FAM169A: variants seen among roughly 807,000 people sequenced by gnomAD.
FAM169A encodes family with sequence similarity 169 member A.
A neutral mutation model predicts 75.7 loss-of-function variants in FAM169A; 24 were observed. The observed-to-expected ratio is 0.32, with a 90% CI of 0.23 to 0.45. FAM169A has a LOEUF of 0.45. FAM169A is among the 20% of genes least tolerant of loss of function. The pLI is 1.00. For missense variants in FAM169A, 673 were observed against 784.0 expected, an observed-to-expected ratio of 0.86 and a Z score of 1.69; for synonymous variants, 271 against 271.0, an observed-to-expected ratio of 1.00 and a Z score of 0.00.
chr5:74,795,567 C>A (rs1746227758), intron 11 of FAM169A, among the ~76,000 whole-genome samples: 1 of 152,086 alleles, frequency 6.6e-6, no homozygotes, highest in Admixed American at 6.5e-5. Context: ...AGTTATTTTT[C>A]CAGAACTTTG....
chr5:74,819,622 A>C (rs1747668125), intron 5 of FAM169A, among the ~76,000 whole-genome samples: 1 of 152,238 alleles, frequency 6.6e-6, no homozygotes, highest in Non-Finnish European at 1.5e-5. Context: ...GCATTGTTCA[A>C]AATAGCAACA....
At position 74,844,772 on chromosome 5, in the gene FAM169A, G is replaced by T. The variant is rs1366752486; in HGVS notation, c.-3-3093C>A. Among the ~76,000 whole-genome samples, 3 of 152,028 alleles carry T rather than the reference G, an allele frequency of 2.0e-5. No homozygotes were observed. In the East Asian group the frequency reaches 5.8e-4, roughly 29 times the overall value. On this transcript the variant is annotated intron_variant, in intron 1 of 12. Coordinates refer to ENST00000687041, the MANE Select transcript of FAM169A (RefSeq NM_001376049.1). ...GTGGAGTGTACGGTGAGCCAAGATC[G>T]CACCACTGCACTCCAGCCTGGGTGA...
At chr5:74,809,840 T>A (rs1331506373) in intron 6 of FAM169A, among the ~76,000 whole-genome samples, 2 of 152,152 alleles carry the variant, frequency 1.3e-5, no homozygotes, top group Non-Finnish European at 2.9e-5. Flanking sequence ...AAAAACCAAG[T>A]GTTGGTGAGT....
At chr5:74,821,494 A>G (rs1344001153) in intron 5 of FAM169A, among the ~76,000 whole-genome samples, 2 of 152,170 alleles carry the variant, frequency 1.3e-5, no homozygotes, top group Admixed American at 1.3e-4. Flanking sequence ...GACATACATA[A>G]AGTGAATTTC....
chr5:74,799,870 T>C, intron 10 of FAM169A: 1 of 1,017,134 alleles, frequency 9.8e-7, no homozygotes, highest in Non-Finnish European at 1.6e-6. Flanking sequence ...AAACAGAGCA[T>C]CCAACGCAAC....
chr5:74,830,505 G>A (rs1447921395), intron 5 of FAM169A, among the ~76,000 whole-genome samples: 1 of 152,160 alleles, frequency 6.6e-6, no homozygotes, highest in Non-Finnish European at 1.5e-5. Context: ...AGTGGATTGT[G>A]GGGAAGGTGC....
At chr5:74,840,590 G>A (rs1031886503) in intron 2 of FAM169A, among the ~76,000 whole-genome samples, 2 of 150,822 alleles carry the variant, frequency 1.3e-5, no homozygotes, top group Non-Finnish European at 2.9e-5. Context: ...GCACTCTGGG[G>A]AGGCCAAGGC....
At chr5:74,817,857 A>G (rs1747550079) in intron 5 of FAM169A, among the ~76,000 whole-genome samples, 1 of 152,140 alleles carries the variant, frequency 6.6e-6, no homozygotes, top group South Asian at 2.1e-4. Context: ...AAACTTTCGT[A>G]TTTATGGTCA....
Position 74,849,066 on chromosome 5 carries a change from G to A in FAM169A, c.-3-7387C>T, listed in dbSNP as rs143212056. Among the ~76,000 whole-genome samples, 147 of 152,268 alleles carry A rather than the reference G, an allele frequency of 9.7e-4. 1 individual carries two copies. Among genetic ancestry groups the A allele is most frequent in the African/African-American group, 3.3e-3 (138 of 41,578 alleles). On this transcript the variant is annotated intron_variant, in intron 1 of 12. Transcript: ENST00000687041. ...AAAAAACTGACACAGAATGGACAGC[G>A]AAGTGTAAAAAGTGTCCAAACTAAT...
chr5:74,828,730 T>C (rs1167498515), intron 5 of FAM169A, among the ~76,000 whole-genome samples: 1 of 152,216 alleles, frequency 6.6e-6, no homozygotes, highest in Non-Finnish European at 1.5e-5. Context: ...TCTACCCTTT[T>C]CCCAGATTAT....
chr5:74,834,632 A>G, intron 4 of FAM169A, 35 bp from the exon 5 acceptor site: 1 of 1,428,768 alleles, frequency 7.0e-7, no homozygotes, highest in Non-Finnish European at 9.3e-7. Context: ...CACAGCAGTT[A>G]TAATATGCAT....
intron 5 of FAM169A, among the ~76,000 whole-genome samples, chr5:74,828,481 G>A (rs1748147628): frequency 6.6e-6 from 1 of 152,018 alleles, no homozygotes; most frequent in Admixed American, 6.6e-5. Context: ...CACAAATGTT[G>A]CCACCATACC....
At chr5:74,810,751 CAAAAAAAAAAAAAA>C (rs750402413) in intron 6 of FAM169A, among the ~76,000 whole-genome samples, 1 of 52,542 alleles carries the variant, frequency 1.9e-5, no homozygotes, top group South Asian at 1.0e-3. Flanking sequence ...GACTCCGTCT[CAAAAAAAAAAAAAA>C]AAAAAAAAAG....
chr5:74,858,222 C>A (rs1010223159), intron 1 of FAM169A, among the ~76,000 whole-genome samples: 1 of 152,060 alleles, frequency 6.6e-6, no homozygotes, highest in Non-Finnish European at 1.5e-5. Flanking sequence ...TCCGTCTCTA[C>A]TAAAAATGCA....
intron 11 of FAM169A, among the ~76,000 whole-genome samples, chr5:74,787,256 G>A (rs1326660143): frequency 6.6e-6 from 1 of 152,196 alleles, no homozygotes; most frequent in East Asian, 1.9e-4. Flanking sequence ...ACTAAGTAGG[G>A]ACTCTGCATT....
At chr5:74,842,040 C>T (rs551192901) in intron 1 of FAM169A, among the ~76,000 whole-genome samples, 7 of 150,938 alleles carry the variant, frequency 4.6e-5, no homozygotes, top group East Asian at 3.9e-4. Context: ...TAAAAGGACA[C>T]GAGAACTTGT....
intron 1 of FAM169A, among the ~76,000 whole-genome samples, chr5:74,845,190 C>A (rs1260069947): frequency 1.3e-5 from 2 of 152,114 alleles, no homozygotes; most frequent in Non-Finnish European, 2.9e-5. Flanking sequence ...ACTATTTTTA[C>A]CCTAATCTGA....
At position 74,840,146 on chromosome 5, in the gene FAM169A, A is replaced by C; in HGVS notation, c.160T>G (p.Phe54Val). The C allele has an allele frequency of 6.3e-7, 1 of 1,594,146 alleles. No homozygotes were observed. Among genetic ancestry groups the C allele is most frequent in the South Asian group, 1.2e-5 (1 of 86,160 alleles). ...TGATCTCCACCATAAAGAGGTACAA[A>C]GCCTACATTTGACAGGCTAATAGGA... ...TIPISLSNVG[F>V]VPLYGGDQTQ... The change falls in exon 3 of 13, where the codon TTT becomes GTT. Residue 54 changes from phenylalanine to valine, a missense_variant. Phe to Val is a conservative substitution (Grantham distance 50). Around this residue, in one of 3 missense-constraint regions of FAM169A, gnomAD observed 107 missense variants for 180.8 expected, o/e 0.59. Transcript: ENST00000687041.
chr5:74,849,464 GAAGT>G (rs1451124674), intron 1 of FAM169A, among the ~76,000 whole-genome samples: 2 of 151,962 alleles, frequency 1.3e-5, no homozygotes, highest in Admixed American at 6.6e-5. Context: ...GACCCAAAAA[GAAGT>G]ATGTACACTA....
Sources: gnomAD v4.1 joint callset for allele counts (sites outside exome capture counted in the v4.1 genomes callset) on GRCh38, gnomAD v4.1.1 for gene constraint, gnomAD v4.1.1 regional missense constraint, MANE v1.5 for transcripts, NCBI Gene and HGNC (gene_info 2026-07-23, HGNC 2026-07-21) for gene names.